The following GNAS variants were observed in gnomAD, a reference collection of about 807,000 sequenced individuals.
GNAS encodes protein ALEX.
GNAS carries 8 observed loss-of-function variants against 54.5 expected under a neutral mutation model. The observed-to-expected ratio is 0.15, with a 90% CI of 0.09 to 0.26. The LOEUF (loss-of-function observed/expected upper bound fraction) is 0.26. GNAS is among the 10% of genes least tolerant of loss of function. GNAS has a pLI of 1.00. For missense variants in GNAS, 170 were observed against 529.8 expected (o/e 0.32, Z 6.67); for synonymous variants, 204 against 191.4 (o/e 1.07, Z -0.54).
chr20:58,896,388 A>ATT (rs1354837332), intron 2 of GNAS, among the ~76,000 whole-genome samples: 3 of 152,260 alleles, frequency 2.0e-5, no homozygotes, highest in African/African-American at 7.2e-5. Flanking sequence ...ACTGAGGGGC[A>ATT]TTTTTGCCTT....
chr20:58,890,269 CCGCCGCCGACGACGACGAGGG>C (rs1238151748), upstream of GNAS, among the ~76,000 whole-genome samples: 4 of 150,866 alleles, frequency 2.7e-5, no homozygotes, highest in Admixed American at 2.0e-4. Context: ...GCCGCCGCGG[CCGCCGCCGACGACGACGAGGG>C]CGCCGAGGAG....
intron 1 of GNAS, among the ~76,000 whole-genome samples, chr20:58,851,676 G>A (rs573417555): frequency 6.6e-6 from 1 of 152,384 alleles, no homozygotes; most frequent in Admixed American, 6.5e-5. Flanking sequence ...TGAGCTCACC[G>A]CAGCATGGTA....
upstream of GNAS, among the ~76,000 whole-genome samples, chr20:58,890,387 G>C (rs1198075656): frequency 4.0e-5 from 6 of 151,644 alleles, no homozygotes; most frequent in Admixed American, 3.9e-4. Flanking sequence ...CGAGCGACGA[G>C]GACGACGCCT....
At position 58,841,361 on chromosome 20, in the gene GNAS, C is replaced by T. The variant is rs2085718167; in HGVS notation, c.43+475C>T. On this transcript the variant is annotated intron_variant, in intron 1 of 12. Transcript: ENST00000306090. This position sits in a 1 kb window ranked among gnomAD's most constrained non-coding sequence, Gnocchi z 5.0. ...TGTGAGAGCAGCCGCGCTGTAGAGA[C>T]ACCGTTGAAATGTGCGGAAAGTAAT... 9.6e-7 allele frequency: 1 copy of T among 1,039,010 alleles called. No homozygotes were observed. Among genetic ancestry groups the T allele is most frequent in the Non-Finnish European group, 1.2e-6 (1 of 863,052 alleles). 64.4% of individuals were successfully genotyped at this position (1,039,010 alleles called of 1,614,324 possible).
chr20:58,854,396 G>A (rs749601824), intron 1 of GNAS: 12 of 1,566,264 alleles, frequency 7.7e-6, no homozygotes, highest in Admixed American at 1.9e-5. Flanking sequence ...CCTCTCCGGG[G>A]TACGGATCCC....
intron 1 of GNAS, among the ~76,000 whole-genome samples, chr20:58,869,599 A>C (rs941986581): frequency 6.6e-6 from 1 of 152,262 alleles, no homozygotes; most frequent in Non-Finnish European, 1.5e-5. Context: ...GAGATGAAGT[A>C]GAATTTGAGG....
chr20:58,896,682 C>T (rs1011765177), intron 2 of GNAS, among the ~76,000 whole-genome samples: 1 of 151,822 alleles, frequency 6.6e-6, no homozygotes, highest in African/African-American at 2.4e-5. Context: ...AGTCTGTTTT[C>T]ACTGGTATGA....
At chr20:58,886,643 CA>C (rs531757210), upstream of GNAS, among the ~76,000 whole-genome samples, 200 of 150,474 alleles carry the variant, frequency 1.3e-3, 2 homozygotes, top group Admixed American at 0.011. Flanking sequence ...TGGTAGCCTC[CA>C]AAACTAAAAG....
intron 1 of GNAS, 52 bp from the exon 2 acceptor site, chr20:58,895,560 C>G: frequency 9.1e-7 from 1 of 1,098,034 alleles, no homozygotes; most frequent in South Asian, 1.2e-5. Context: ...CCTCCCTGCC[C>G]AAAGTGTTAA....
rs781327990 is a variant in GNAS, at chr20:58,891,899, G to T, written c.139+34G>T. ...GGGCGGGGGGCGCCGGCCCCGGCCC[G>T]GGGGCCCTCGAAGGGCGCCCCGCAG... is the stretch of plus-strand genomic sequence containing the variant. On this transcript the variant is annotated intron_variant, in intron 1 of 12. Coordinates refer to ENST00000371085, the MANE Select transcript of GNAS (RefSeq NM_000516.7). The T allele has an allele frequency of 1.1e-4, 112 of 1,046,860 alleles. 1 individual carries two copies. The African/African-American group carries it at 1.8e-3, about 16-fold the overall frequency. The allele number at this position is 1,046,860 out of a possible 1,614,324, so 64.8% of individuals were successfully genotyped here.
upstream of GNAS, among the ~76,000 whole-genome samples, chr20:58,886,669 A>T (rs2088611085): frequency 6.6e-6 from 1 of 152,164 alleles, no homozygotes; most frequent in Non-Finnish European, 1.5e-5. Context: ...GAAAAAAAAA[A>T]ATCACAACTT....
intron 2 of GNAS, chr20:58,897,953 T>C (rs1284319422): frequency 6.6e-6 from 1 of 152,232 alleles, no homozygotes; most frequent in Non-Finnish European, 1.5e-5. Flanking sequence ...TTGCGTTTTG[T>C]TAGGGCTCGG....
At chr20:58,906,422 A>G (rs115585799) in intron 6 of GNAS, among the ~76,000 whole-genome samples, 21 of 152,368 alleles carry the variant, frequency 1.4e-4, no homozygotes, top group African/African-American at 5.0e-4. Flanking sequence ...CCCAGAGGAC[A>G]TCGTACCCGA....
chr20:58,867,246 G>A (rs1304518345), intron 1 of GNAS, among the ~76,000 whole-genome samples: 1 of 152,148 alleles, frequency 6.6e-6, no homozygotes, highest in Non-Finnish European at 1.5e-5. Context: ...TTTAAAAGTT[G>A]GATTGCCAGA....
In GNAS at chr20:58,873,656, C is replaced by G. The variant is rs138562034; in HGVS notation, c.44-21956C>G. On this transcript the variant is annotated intron_variant, in intron 1 of 12. Coordinates refer to the GNAS transcript ENST00000306090. This position sits in a 1 kb window ranked among gnomAD's most constrained non-coding sequence, Gnocchi z 4.3. ...GTGTCTGCCACGCCCCTTAGAAGGA[C>G]GAATCCTTGCCTGGTCGGTGAGTTT... Among the ~76,000 whole-genome samples, 8 of 152,322 alleles carry G rather than the reference C, an allele frequency of 5.3e-5. No homozygotes were observed. Among genetic ancestry groups the G allele is most frequent in the Admixed American group, 5.2e-4 (8 of 15,306 alleles).
At chr20:58,890,698 A>G (rs560083941), upstream of GNAS, 1 of 150,910 alleles carries the variant, frequency 6.6e-6, no homozygotes, top group African/African-American at 2.4e-5. Flanking sequence ...GGCTCGGGCC[A>G]TGGCGCCCGG....
chr20:58,845,683 T>G (rs1040662250), intron 1 of GNAS, among the ~76,000 whole-genome samples: 1 of 152,252 alleles, frequency 6.6e-6, no homozygotes, highest in East Asian at 1.9e-4. Flanking sequence ...TTCCCTTGTT[T>G]AAAAATCTCA....
At chr20:58,876,254 A>C (rs577625528) in intron 1 of GNAS, among the ~76,000 whole-genome samples, 304 of 152,290 alleles carry the variant, frequency 2.0e-3, no homozygotes, top group Admixed American at 4.1e-3. Flanking sequence ...CTAATTTTGA[A>C]AGCTCCTAAC....
chr20:58,900,376 C>T (rs530379240), intron 3 of GNAS: 78 of 221,498 alleles, frequency 3.5e-4, no homozygotes, highest in Middle Eastern at 1.4e-3. Flanking sequence ...TATTAACATT[C>T]GTGATAAATA....
Sources: allele counts gnomAD v4.1 joint callset (sites outside exome capture counted in the v4.1 genomes callset), GRCh38; gene constraint gnomAD v4.1.1; non-coding constraint Gnocchi (gnomAD v3.1); transcripts MANE v1.5; gene names NCBI Gene and HGNC (gene_info 2026-07-23, HGNC 2026-07-21).